SBF2: variants seen among roughly 807,000 people sequenced by gnomAD.
The protein encoded by SBF2 is SET binding factor 2.
A neutral mutation model predicts 225.2 loss-of-function variants in SBF2; 112 were observed. That is an observed-to-expected ratio of 0.50 (90% CI 0.43 to 0.58). The LOEUF is 0.58. Ranked by LOEUF, SBF2 falls within the 20% of genes least tolerant of loss-of-function variation. The pLI, the probability that SBF2 is intolerant of heterozygous loss-of-function variation, is 0.00. For synonymous variants in SBF2, 763 were observed against 773.3 expected (o/e 0.99, Z 0.22); for missense variants, 1,996 against 2,206.2 (o/e 0.90, Z 1.91).
chr11:9,927,527 C>A (rs1339122917), intron 16 of SBF2, among the ~76,000 whole-genome samples: 1 of 152,050 alleles, frequency 6.6e-6, no homozygotes, highest in Non-Finnish European at 1.5e-5. Flanking sequence ...TGGAGTCAGT[C>A]TGGGCAAGAT....
intron 17 of SBF2, among the ~76,000 whole-genome samples, chr11:9,878,942 GTC>G (rs1859516773): frequency 6.6e-6 from 1 of 152,042 alleles, no homozygotes; most frequent in South Asian, 2.1e-4. Context: ...TTATCTTTAC[GTC>G]TCTCTTATCA....
chr11:10,105,681 C>T (rs992318772), intron 2 of SBF2, among the ~76,000 whole-genome samples: 1 of 152,252 alleles, frequency 6.6e-6, no homozygotes, highest in African/African-American at 2.4e-5. Context: ...CACTTGCTCT[C>T]TTAGTCTTCT....
intron 32 of SBF2, among the ~76,000 whole-genome samples, chr11:9,807,333 A>C (rs1853909920): frequency 6.6e-6 from 1 of 152,000 alleles, no homozygotes; most frequent in Non-Finnish European, 1.5e-5. Flanking sequence ...CATCTCCCCT[A>C]CCCTCACTGC....
intron 2 of SBF2, among the ~76,000 whole-genome samples, chr11:10,130,137 C>G (rs1365152199): frequency 6.6e-6 from 1 of 152,124 alleles, no homozygotes; most frequent in South Asian, 2.1e-4. Context: ...CCGAGGTGGG[C>G]AGATCACGAG....
At chr11:10,106,790 T>A (rs974175386) in intron 2 of SBF2, among the ~76,000 whole-genome samples, 3 of 152,208 alleles carry the variant, frequency 2.0e-5, no homozygotes, top group East Asian at 3.9e-4. Flanking sequence ...ATAGATTTTT[T>A]AAAATCTCTA....
At chr11:9,809,367 T>C in intron 30 of SBF2, 1 of 195,440 alleles carries the variant, frequency 5.1e-6, no homozygotes, top group Non-Finnish European at 1.1e-5. Flanking sequence ...ATTCTAGTAA[T>C]ACATAATGAA....
chr11:9,789,376 G>T, intron 34 of SBF2, 34 bp from the exon 35 acceptor site: 2 of 1,538,752 alleles, frequency 1.3e-6, no homozygotes, highest in South Asian at 2.2e-5. Context: ...GTTTCATCTT[G>T]ACCCCAAAGT....
chr11:10,236,323 A>T (rs11042683), intron 1 of SBF2, among the ~76,000 whole-genome samples: 32,812 of 152,048 alleles, frequency 0.22, 4,291 homozygotes, highest in Non-Finnish European at 0.3. Flanking sequence ...TTATTTGGGT[A>T]TAGTAGTATG....
intron 2 of SBF2, among the ~76,000 whole-genome samples, chr11:10,192,189 T>C (rs1335123408): frequency 6.6e-6 from 1 of 152,142 alleles, no homozygotes; most frequent in Non-Finnish European, 1.5e-5. Flanking sequence ...TGCAGGCATA[T>C]GGGGAAAAAG....
chr11:10,008,834 A>G (rs186554078), intron 6 of SBF2, among the ~76,000 whole-genome samples: 56 of 152,350 alleles, frequency 3.7e-4, no homozygotes, highest in African/African-American at 1.3e-3. Flanking sequence ...AATGCTTTGC[A>G]TGTGGCAGGT....
At chr11:9,861,593 G>A (rs1313249800) in intron 17 of SBF2, among the ~76,000 whole-genome samples, 1 of 151,562 alleles carries the variant, frequency 6.6e-6, no homozygotes, top group East Asian at 1.9e-4. Flanking sequence ...GAATCTGGGA[G>A]GTGGAGGTTG....
At chr11:10,053,971 G>C (rs1950157852) in intron 2 of SBF2, among the ~76,000 whole-genome samples, 1 of 151,770 alleles carries the variant, frequency 6.6e-6, no homozygotes, top group Non-Finnish European at 1.5e-5. Context: ...AGAAGACTTT[G>C]GAAGAGAAGT....
At chr11:9,822,330 G>A (rs1854806273) in intron 28 of SBF2, among the ~76,000 whole-genome samples, 1 of 145,964 alleles carries the variant, frequency 6.9e-6, no homozygotes, top group Admixed American at 7.1e-5. Context: ...GCGCGATCCT[G>A]GCTCACTGCA....
intron 16 of SBF2, among the ~76,000 whole-genome samples, chr11:9,954,456 T>A (rs1010427035): frequency 2.6e-5 from 4 of 152,162 alleles, no homozygotes; most frequent in African/African-American, 9.7e-5. Context: ...GGGTGACACA[T>A]TAAACAAATA....
chr11:9,999,279 CTG>C (rs1947841061), intron 8 of SBF2, among the ~76,000 whole-genome samples: 1 of 146,756 alleles, frequency 6.8e-6, no homozygotes, highest in Non-Finnish European at 1.5e-5. Flanking sequence ...CCTCCAGTGA[CTG>C]TATGTATGTA....
chr11:10,289,554 A>AG (rs35110117), intron 1 of SBF2, among the ~76,000 whole-genome samples: 2,098 of 152,030 alleles, frequency 0.014, 24 homozygotes, highest in Middle Eastern at 0.027. Context: ...GGCCCTGCCT[A>AG]GGGGGGTGCC....
intron 6 of SBF2, among the ~76,000 whole-genome samples, chr11:10,012,657 T>C (rs535710580): frequency 6.6e-5 from 10 of 152,324 alleles, no homozygotes. Context: ...AGTCAGTTAA[T>C]ACTATTTTTT....
At chr11:9,902,564 C>T (rs1156832361) in intron 16 of SBF2, among the ~76,000 whole-genome samples, 2 of 152,192 alleles carry the variant, frequency 1.3e-5, no homozygotes, top group Admixed American at 6.5e-5. Context: ...GAATAAGCCT[C>T]TTTAAAATAT....
intron 13 of SBF2, among the ~76,000 whole-genome samples, chr11:9,978,833 C>A (rs1946814848): frequency 6.6e-6 from 1 of 151,892 alleles, no homozygotes; most frequent in Non-Finnish European, 1.5e-5. Flanking sequence ...CCGTCTCCAC[C>A]AAAAAATACA....
Sources: gnomAD v4.1 joint callset for allele counts (sites outside exome capture counted in the v4.1 genomes callset) on GRCh38, gnomAD v4.1.1 for gene constraint, MANE v1.5 for transcripts, NCBI Gene and HGNC (gene_info 2026-07-23, HGNC 2026-07-21) for gene names.